Variants in DOCK3 observed in about 807,000 individuals in gnomAD.
DOCK3 encodes the protein dedicator of cytokinesis protein 3.
In DOCK3, 60 loss-of-function variants were observed where a neutral mutation model predicts 265.6. The ratio of observed to expected loss-of-function variants is 0.23; its 90% CI spans 0.18 to 0.28. DOCK3 has a LOEUF of 0.28. Ranked by LOEUF, DOCK3 falls within the 10% of genes least tolerant of loss-of-function variation. DOCK3 has a pLI of 1.00. For synonymous variants in DOCK3, 881 were observed against 938.0 expected, an observed-to-expected ratio of 0.94 and a Z score of 1.11; for missense variants, 1,981 against 2,594.3, an observed-to-expected ratio of 0.76 and a Z score of 5.14.
intron 12 of DOCK3, among the ~76,000 whole-genome samples, chr3:51,162,329 C>T (rs1221983101): frequency 1.3e-5 from 2 of 152,206 alleles, no homozygotes; most frequent in African/African-American, 2.4e-5. Flanking sequence ...CCAATCTCCT[C>T]ATTACCTATT....
intron 38 of DOCK3, among the ~76,000 whole-genome samples, chr3:51,342,366 C>T (rs1212348702): frequency 6.6e-6 from 1 of 152,234 alleles, no homozygotes; most frequent in Non-Finnish European, 1.5e-5. Context: ...AGAAAGGATG[C>T]CCATGCTCAG....
intron 23 of DOCK3, among the ~76,000 whole-genome samples, chr3:51,262,376 A>G (rs1210180790): frequency 2.0e-5 from 3 of 152,342 alleles, no homozygotes; most frequent in East Asian, 1.9e-4. Flanking sequence ...ATCAACATCA[A>G]CAAAAAGGAC....
intron 18 of DOCK3, among the ~76,000 whole-genome samples, chr3:51,229,097 G>T (rs1162215144): frequency 6.6e-6 from 1 of 152,204 alleles, no homozygotes; most frequent in African/African-American, 2.4e-5. Context: ...AGCTAGTTCT[G>T]TTCCTCTAGA....
Position 51,064,610 on chromosome 3 carries a change from T to C in DOCK3, c.464+14T>C. 3 of 1,611,182 alleles carry C rather than the reference T, an allele frequency of 1.9e-6. No individual in the cohort carries two copies. The highest frequency in any genetic ancestry group is 2.7e-5 in the African/African-American group (2 of 74,988). On this transcript the variant is annotated intron_variant, in intron 6 of 52. Transcript: ENST00000266037. ...CTGGGGTAATGAGTAAGTATGAAAA[T>C]TGTTTGGGTATCTCTCAGTTTCATT...
intron 5 of DOCK3, among the ~76,000 whole-genome samples, chr3:50,946,224 A>G (rs981331070): frequency 6.6e-6 from 1 of 151,632 alleles, no homozygotes; most frequent in Non-Finnish European, 1.5e-5. Context: ...GGAGTCTGTT[A>G]CTGAAGAAGG....
At chr3:51,291,186 C>A (rs2081747793) in intron 27 of DOCK3, among the ~76,000 whole-genome samples, 1 of 151,982 alleles carries the variant, frequency 6.6e-6, no homozygotes, top group Non-Finnish European at 1.5e-5. Flanking sequence ...GCAATAAATG[C>A]CTACATCAAA....
At chr3:50,970,948 A>ATATATAT (rs1559878922) in intron 5 of DOCK3, among the ~76,000 whole-genome samples, 3 of 51,762 alleles carry the variant, frequency 5.8e-5, no homozygotes, top group Admixed American at 2.8e-4. Flanking sequence ...TATATATATA[A>ATATATAT]TGTGTGTGTG....
At chr3:50,986,854 A>G (rs1271847873) in intron 5 of DOCK3, among the ~76,000 whole-genome samples, 1 of 152,212 alleles carries the variant, frequency 6.6e-6, no homozygotes, top group African/African-American at 2.4e-5. Flanking sequence ...GAAGTTGTTC[A>G]TACTTTTCCC....
At chr3:51,301,400 A>G (rs1475728443) in intron 27 of DOCK3, among the ~76,000 whole-genome samples, 1 of 149,190 alleles carries the variant, frequency 6.7e-6, no homozygotes, top group African/African-American at 2.5e-5. Context: ...TCATGTCTCT[A>G]TCTCCTTTAG....
At chr3:51,123,172 A>G (rs940597449) in intron 9 of DOCK3, among the ~76,000 whole-genome samples, 4 of 152,108 alleles carry the variant, frequency 2.6e-5, no homozygotes, top group Admixed American at 2.0e-4. Context: ...CAGCCTACCC[A>G]TGGTCCATCT....
intron 49 of DOCK3, among the ~76,000 whole-genome samples, chr3:51,363,326 G>A (rs749682833): frequency 4.6e-5 from 7 of 152,220 alleles, no homozygotes; most frequent in Non-Finnish European, 7.3e-5. Flanking sequence ...GAAATTAGCT[G>A]TGGTACATAG....
chr3:51,072,099 G>T (rs1369998073), intron 6 of DOCK3, among the ~76,000 whole-genome samples: 1 of 152,158 alleles, frequency 6.6e-6, no homozygotes, highest in Non-Finnish European at 1.5e-5. Flanking sequence ...TCTCAAGAGA[G>T]GATTAACATG....
At chr3:50,900,398 A>T (rs1383017881) in intron 4 of DOCK3, among the ~76,000 whole-genome samples, 1 of 152,112 alleles carries the variant, frequency 6.6e-6, no homozygotes, top group African/African-American at 2.4e-5. Context: ...CAAGGTTCTT[A>T]GCTTCGTTGC....
intron 5 of DOCK3, among the ~76,000 whole-genome samples, chr3:51,022,878 C>G (rs1028919777): frequency 1.3e-5 from 2 of 152,054 alleles, no homozygotes; most frequent in African/African-American, 4.8e-5. Context: ...AGGTAGGGGC[C>G]CAGTTTCATT....
At chr3:51,162,332 T>C (rs1008608043) in intron 12 of DOCK3, among the ~76,000 whole-genome samples, 1 of 152,214 alleles carries the variant, frequency 6.6e-6, no homozygotes, top group African/African-American at 2.4e-5. Context: ...ATCTCCTCAT[T>C]ACCTATTTTC....
chr3:50,728,821 C>T (rs767791118), intron 1 of DOCK3, among the ~76,000 whole-genome samples: 85 of 151,078 alleles, frequency 5.6e-4, no homozygotes, highest in East Asian at 5.9e-4. Flanking sequence ...CTCCAGAGTT[C>T]AAGCAATTCT....
chr3:51,268,345 C>T (rs978239837), intron 23 of DOCK3, among the ~76,000 whole-genome samples: 1 of 152,066 alleles, frequency 6.6e-6, no homozygotes, highest in African/African-American at 2.4e-5. Flanking sequence ...AACAAAACTG[C>T]CTGGCCAGCT....
intron 22 of DOCK3, among the ~76,000 whole-genome samples, chr3:51,254,413 G>A (rs1256830889): frequency 6.6e-6 from 1 of 152,126 alleles, no homozygotes; most frequent in African/African-American, 2.4e-5. Flanking sequence ...TTCAGTTCCT[G>A]GATATCCTTG....
chr3:51,096,526 T>G (rs1193621881), intron 9 of DOCK3, among the ~76,000 whole-genome samples: 1 of 152,206 alleles, frequency 6.6e-6, no homozygotes, highest in East Asian at 1.9e-4. Context: ...AACTGGTTAT[T>G]GTAGTTAGCA....
Sources: gnomAD v4.1 joint callset for allele counts (sites outside exome capture counted in the v4.1 genomes callset) on GRCh38, gnomAD v4.1.1 for gene constraint, MANE v1.5 for transcripts, NCBI Gene and HGNC (gene_info 2026-07-23, HGNC 2026-07-21) for gene names.